Variants in PDE1A observed in about 807,000 individuals in gnomAD.
The protein encoded by PDE1A is dual specificity calcium/calmodulin-dependent 3',5'-cyclic nucleotide phosphodiesterase 1A.
A neutral mutation model predicts 61.7 loss-of-function variants in PDE1A; 35 were observed. The ratio of observed to expected loss-of-function variants is 0.57; its 90% CI spans 0.43 to 0.75. The LOEUF is 0.75. PDE1A is among the 30% of genes least tolerant of loss of function. The pLI is 0.00. For missense variants in PDE1A, 597 were observed against 630.6 expected (o/e 0.95, Z 0.57); for synonymous variants, 232 against 213.2 (o/e 1.09, Z -0.77).
chr2:182,690,406 T>C, the PDE1A span, among the ~76,000 whole-genome samples: 1 of 152,164 alleles, frequency 6.6e-6, no homozygotes, highest in East Asian at 1.9e-4. Context: ...ATCCAGCATG[T>C]AAATAGAACC....
the PDE1A span, among the ~76,000 whole-genome samples, chr2:182,676,496 A>G: frequency 6.6e-6 from 1 of 152,126 alleles, no homozygotes; most frequent in Admixed American, 6.6e-5. Flanking sequence ...TGTACAAAAA[A>G]GAGCTGGTAC....
the PDE1A span, among the ~76,000 whole-genome samples, chr2:182,575,858 T>C: frequency 1.6e-4 from 24 of 146,730 alleles, 1 homozygote; most frequent in African/African-American, 5.9e-4. Context: ...TTGTGGGACC[T>C]TGTGATCATA....
chr2:182,522,146 G>A (rs1464169936), intron 2 of PDE1A: 3 of 694,956 alleles, frequency 4.3e-6, no homozygotes, highest in African/African-American at 3.6e-5. Flanking sequence ...AGCTGAGGTA[G>A]GCACATTTTA....
chr2:182,499,173 GTTTTTTT>G (rs545033513), intron 2 of PDE1A, among the ~76,000 whole-genome samples: 2 of 77,306 alleles, frequency 2.6e-5, no homozygotes, highest in African/African-American at 6.1e-5. Context: ...TCTTTTTCTT[GTTTTTTT>G]TTTTTTTTTT....
chr2:182,564,249 G>T, the PDE1A span, among the ~76,000 whole-genome samples: 1 of 152,084 alleles, frequency 6.6e-6, no homozygotes, highest in Non-Finnish European at 1.5e-5. Flanking sequence ...GGGCAGGTCT[G>T]GTGGTGACAA....
chr2:182,476,325 T>C (rs1687362135), intron 2 of PDE1A, among the ~76,000 whole-genome samples: 1 of 151,856 alleles, frequency 6.6e-6, no homozygotes, highest in Non-Finnish European at 1.5e-5. Context: ...ACCCCGTCTC[T>C]ACCAAAAATA....
intron 1 of PDE1A, among the ~76,000 whole-genome samples, chr2:182,311,794 G>A (rs1167681553): frequency 3.3e-5 from 5 of 152,004 alleles, no homozygotes; most frequent in Non-Finnish European, 5.9e-5. Context: ...AAATACCTAC[G>A]AATGGAAGGG....
intron 2 of PDE1A, among the ~76,000 whole-genome samples, chr2:182,462,355 T>C (rs1686360783): frequency 6.6e-6 from 1 of 151,184 alleles, no homozygotes; most frequent in Non-Finnish European, 1.5e-5. Flanking sequence ...GTATATCTTA[T>C]ATATATGTGT....
At chr2:182,451,378 C>CA (rs1219608685) in intron 2 of PDE1A, among the ~76,000 whole-genome samples, 407 of 12,126 alleles carry the variant, frequency 0.034, 85 homozygotes, top group African/African-American at 0.096. Context: ...GACTCCGTCT[C>CA]AAAAAAAAAA....
the PDE1A span, among the ~76,000 whole-genome samples, chr2:182,583,954 T>G: frequency 2.0e-5 from 3 of 152,208 alleles, no homozygotes; most frequent in African/African-American, 7.2e-5. Context: ...ACAATTCCTA[T>G]CAAGAGATTC....
At chr2:182,277,254 C>T (rs1398528500) in intron 1 of PDE1A, among the ~76,000 whole-genome samples, 2 of 152,022 alleles carry the variant, frequency 1.3e-5, no homozygotes, top group Non-Finnish European at 2.9e-5. Context: ...GCATCATGGT[C>T]CTACTGATAT....
At chr2:182,644,782 C>T in the PDE1A span, among the ~76,000 whole-genome samples, 1 of 151,886 alleles carries the variant, frequency 6.6e-6, no homozygotes, top group Non-Finnish European at 1.5e-5. Flanking sequence ...TCTTCTTTCC[C>T]AGTTCTATTT....
upstream of PDE1A, among the ~76,000 whole-genome samples, chr2:182,431,140 A>T (rs941620539): frequency 7.1e-6 from 1 of 140,700 alleles, no homozygotes; most frequent in South Asian, 2.3e-4. Flanking sequence ...AAAAAAAAAA[A>T]ACACAACACT....
At chr2:182,513,082 A>C (rs769223124) in intron 2 of PDE1A, among the ~76,000 whole-genome samples, 5 of 152,178 alleles carry the variant, frequency 3.3e-5, no homozygotes, top group Non-Finnish European at 4.4e-5. Context: ...TGACATTCAA[A>C]TTCAGGAAAT....
At chr2:182,554,414 T>C in the PDE1A span, among the ~76,000 whole-genome samples, 1 of 152,202 alleles carries the variant, frequency 6.6e-6, no homozygotes, top group African/African-American at 2.4e-5. Context: ...CTTCACTTGG[T>C]TCACCATCCA....
the PDE1A span, among the ~76,000 whole-genome samples, chr2:182,619,704 C>T: frequency 1.3e-5 from 2 of 152,200 alleles, no homozygotes; most frequent in African/African-American, 4.8e-5. Context: ...ATTAGACATG[C>T]AAGTTCAGGA....
At chr2:182,325,118 A>G (rs1042671692) in intron 1 of PDE1A, among the ~76,000 whole-genome samples, 4 of 152,200 alleles carry the variant, frequency 2.6e-5, no homozygotes, top group Non-Finnish European at 4.4e-5. Flanking sequence ...AGTCAACAGG[A>G]GCAAAAATGG....
chr2:182,189,115 G>T, intron 10 of PDE1A, 55 bp from the exon 11 acceptor site: 1 of 1,114,846 alleles, frequency 9.0e-7, no homozygotes, highest in Non-Finnish European at 1.4e-6. Flanking sequence ...CTAAAATAAT[G>T]AGCAACCTAA....
chr2:182,394,142 A>G (rs1470459317), intron 1 of PDE1A, among the ~76,000 whole-genome samples: 1 of 152,184 alleles, frequency 6.6e-6, no homozygotes, highest in African/African-American at 2.4e-5. Context: ...GTATCAGTCC[A>G]TTCTCACGCT....
Sources: allele counts gnomAD v4.1 joint callset (sites outside exome capture counted in the v4.1 genomes callset), GRCh38; gene constraint gnomAD v4.1.1; transcripts MANE v1.5; gene names NCBI Gene and HGNC (gene_info 2026-07-23, HGNC 2026-07-21).